CDYL2: variants seen among roughly 807,000 people sequenced by gnomAD.
CDYL2 encodes the protein chromodomain Y-like protein 2.
CDYL2 carries 23 observed loss-of-function variants against 49.4 expected under a neutral mutation model. That is an observed-to-expected ratio of 0.47 (90% CI 0.34 to 0.66). The LOEUF is 0.66. Among genes scored for constraint, CDYL2 ranks in the 30% least tolerant of loss-of-function variants. The pLI is 0.01. For missense variants in CDYL2, 678 were observed against 656.4 expected, an observed-to-expected ratio of 1.03 and a Z score of -0.36; for synonymous variants, 360 against 268.8, an observed-to-expected ratio of 1.34 and a Z score of -3.32.
At chr16:80,766,712 T>G in intron 1 of CDYL2, among the ~76,000 whole-genome samples, 1 of 152,110 alleles carries the variant, frequency 6.6e-6, no homozygotes, top group South Asian at 2.1e-4. Flanking sequence ...AGATCATATA[T>G]CTAACTGCCA....
rs190539644 is a variant in CDYL2, at chr16:80,600,815, A to G, written c.*3573T>C. On this transcript the variant is annotated 3_prime_UTR_variant, in exon 7 of 7. Transcript: ENST00000570137. ...AAAAGTTTACAAAATTTTTAAAACC[A>G]AAAATTAATGGGAAATGCAATTCAG... is the stretch of plus-strand genomic sequence containing the variant. 111 of 152,346 alleles carry G rather than the reference A, an allele frequency of 7.3e-4. 1 individual carries two copies. Among genetic ancestry groups the G allele is most frequent in the African/African-American group, 2.6e-3 (110 of 41,584 alleles). The allele number at this position is 152,346 out of a possible 1,614,324, so 9.4% of individuals were successfully genotyped here. A position where few individuals can be genotyped will look rare whatever the true frequency, so the allele number is the denominator to read the frequency against.
intron 5 of CDYL2, among the ~76,000 whole-genome samples, chr16:80,609,879 G>C (rs1392748439): frequency 6.6e-6 from 1 of 152,110 alleles, no homozygotes; most frequent in Non-Finnish European, 1.5e-5. Context: ...CCACTCTAGA[G>C]CTAAGAAAAC....
chr16:80,647,087 T>G lies in CDYL2; in HGVS notation c.617-13851A>C, dbSNP rs185577888. Among the ~76,000 whole-genome samples the G allele has an allele frequency of 6.4e-3, 969 of 152,058 alleles. 18 individuals are homozygous for G. The highest frequency in any genetic ancestry group is 0.038 in the East Asian group (196 of 5,178). ...ACAGTAAACAATCTGAAAAAGAAAT[T>G]AAAAAGTTATCCCATTTACAATAGC... On this transcript the variant is annotated intron_variant, in intron 2 of 6. Coordinates refer to ENST00000570137, the MANE Select transcript of CDYL2 (RefSeq NM_152342.4).
intron 2 of CDYL2, among the ~76,000 whole-genome samples, chr16:80,670,342 A>G (rs1164964664): frequency 6.6e-6 from 1 of 152,012 alleles, no homozygotes; most frequent in African/African-American, 2.4e-5. Context: ...AGTTCTCATG[A>G]GATCTGATGG....
At chr16:80,685,962 A>G (rs896133995) in intron 1 of CDYL2, among the ~76,000 whole-genome samples, 3 of 152,238 alleles carry the variant, frequency 2.0e-5, no homozygotes, top group African/African-American at 7.2e-5. Flanking sequence ...AGGCACAGCT[A>G]GGAGGCAAAG....
At chr16:80,638,429 T>C (rs747663224) in intron 2 of CDYL2, among the ~76,000 whole-genome samples, 2 of 152,198 alleles carry the variant, frequency 1.3e-5, no homozygotes, top group African/African-American at 2.4e-5. Context: ...ATAGACTCAA[T>C]GTAATCCCAA....
chr16:80,773,930 T>C (rs1388824842), intron 1 of CDYL2, among the ~76,000 whole-genome samples: 3 of 152,116 alleles, frequency 2.0e-5, no homozygotes, highest in African/African-American at 7.2e-5. Context: ...AGCCTCAGTT[T>C]AGTTCTACAA....
chr16:80,659,484 G>A (rs1381996268), intron 2 of CDYL2, among the ~76,000 whole-genome samples: 1 of 151,918 alleles, frequency 6.6e-6, no homozygotes, highest in Admixed American at 6.6e-5. Context: ...TTACTTAAAA[G>A]AATATCCTTT....
At chr16:80,727,714 A>T (rs1199264667) in intron 1 of CDYL2, among the ~76,000 whole-genome samples, 1 of 152,232 alleles carries the variant, frequency 6.6e-6, no homozygotes, top group Non-Finnish European at 1.5e-5. Context: ...ACAGCTTTGA[A>T]GAGAACAGTG....
At chr16:80,758,409 TG>T (rs1483758261) in intron 1 of CDYL2, among the ~76,000 whole-genome samples, 1 of 152,148 alleles carries the variant, frequency 6.6e-6, no homozygotes, top group Non-Finnish European at 1.5e-5. Context: ...TGCAAGGGGT[TG>T]GGGAGGTAAT....
chr16:80,704,566 C>A (rs879323057), intron 1 of CDYL2, among the ~76,000 whole-genome samples: 1 of 152,228 alleles, frequency 6.6e-6, no homozygotes, highest in South Asian at 2.1e-4. Flanking sequence ...AAGACGTTCA[C>A]CACCGGTGTG....
At chr16:80,751,582 C>A (rs562081207) in intron 1 of CDYL2, among the ~76,000 whole-genome samples, 1 of 152,282 alleles carries the variant, frequency 6.6e-6, no homozygotes, top group East Asian at 1.9e-4. Context: ...AGAAGAGAAA[C>A]AGAGAACTAA....
chr16:80,626,650 C>T (rs190962136), intron 3 of CDYL2, among the ~76,000 whole-genome samples: 3 of 152,220 alleles, frequency 2.0e-5, no homozygotes, highest in Admixed American at 6.5e-5. Flanking sequence ...CAAGGCATGG[C>T]GTGTGCCTGG....
chr16:80,666,205 C>T (rs1035669655), intron 2 of CDYL2, among the ~76,000 whole-genome samples: 25 of 152,186 alleles, frequency 1.6e-4, no homozygotes, highest in Non-Finnish European at 2.9e-4. Context: ...TTTGAACACA[C>T]GGAGCCTCTT....
chr16:80,799,955 A>G (rs1420131620), intron 1 of CDYL2, among the ~76,000 whole-genome samples: 1 of 152,192 alleles, frequency 6.6e-6, no homozygotes, highest in African/African-American at 2.4e-5. Context: ...TAGTACATGT[A>G]TTTCTTTGAC....
intron 1 of CDYL2, among the ~76,000 whole-genome samples, chr16:80,771,239 G>A (rs147202440): frequency 1.5e-4 from 23 of 152,190 alleles, no homozygotes; most frequent in Admixed American, 3.3e-4. Context: ...CAAATGCAAT[G>A]TCAAGTATAC....
chr16:80,633,403 C>T (rs1201591751), intron 2 of CDYL2, among the ~76,000 whole-genome samples, 167 bp from the exon 3 acceptor site: 2 of 152,180 alleles, frequency 1.3e-5, no homozygotes, highest in Non-Finnish European at 2.9e-5. Context: ...GGTGAAGAGA[C>T]AGGCTGAATT....
chr16:80,618,299 C>T (rs190540534), intron 4 of CDYL2, among the ~76,000 whole-genome samples: 95 of 152,344 alleles, frequency 6.2e-4, no homozygotes, highest in African/African-American at 2.2e-3. Context: ...TCTCCTACAG[C>T]TGATGTTTTC....
chr16:80,632,803 T>C (rs1597136416), intron 3 of CDYL2: 6 of 527,922 alleles, frequency 1.1e-5, no homozygotes, highest in Middle Eastern at 1.1e-3. Flanking sequence ...ATGGTCTTCA[T>C]CCATAAGATG....
Sources: allele counts gnomAD v4.1 joint callset (sites outside exome capture counted in the v4.1 genomes callset), GRCh38; gene constraint gnomAD v4.1.1; transcripts MANE v1.5; gene names NCBI Gene and HGNC (gene_info 2026-07-23, HGNC 2026-07-21).